Variants in ADAM22 observed in about 807,000 individuals in gnomAD.
The protein encoded by ADAM22 is disintegrin and metalloproteinase domain-containing protein 22.
Under a neutral mutation model 144.6 loss-of-function variants are expected in ADAM22, and 65 were observed. That is an observed-to-expected ratio of 0.45 (90% CI 0.37 to 0.55). The LOEUF (loss-of-function observed/expected upper bound fraction) is 0.55. Ranked by LOEUF, ADAM22 falls within the 20% of genes least tolerant of loss-of-function variation. The probability of loss-of-function intolerance (pLI) is 0.00; values close to 1 mark genes in which losing one functional copy is unlikely to be tolerated. For synonymous variants in ADAM22, 391 were observed against 412.6 expected (o/e 0.95, Z 0.63); for missense variants, 974 against 1,184.9 (o/e 0.82, Z 2.61).
intron 2 of ADAM22, among the ~76,000 whole-genome samples, chr7:87,953,020 G>T: frequency 6.6e-6 from 1 of 151,838 alleles, no homozygotes; most frequent in East Asian, 1.9e-4. Context: ...GCATCTATTT[G>T]ATTCATCTCT....
chr7:88,202,714 T>C lies in ADAM22; in HGVS notation c.*6223T>C, dbSNP rs1396733429. On this transcript the variant is annotated 3_prime_UTR_variant, in exon 32 of 32. Coordinates refer to ENST00000413139, the MANE Select transcript of ADAM22 (RefSeq NM_001324418.2). Reference sequence around the variant, plus strand: ...TTCAAGTTATAAAATTGTTCTTACATTGTAGGTAAACAAAATCTTGATGTT... The same window carrying C: ...TTCAAGTTATAAAATTGTTCTTACACTGTAGGTAAACAAAATCTTGATGTT... 1 of 152,172 alleles carries C rather than the reference T, an allele frequency of 6.6e-6. No homozygotes were observed. Among genetic ancestry groups the C allele is most frequent in the East Asian group, 1.9e-4 (1 of 5,194 alleles). The allele number at this position is 152,172 out of a possible 1,614,324, so 9.4% of individuals were successfully genotyped here. A position where few individuals can be genotyped will look rare whatever the true frequency, so the allele number is the denominator to read the frequency against.
At chr7:88,192,419 T>G (rs1655104462) in intron 30 of ADAM22, among the ~76,000 whole-genome samples, 2 of 152,214 alleles carry the variant, frequency 1.3e-5, no homozygotes, top group African/African-American at 2.4e-5. Flanking sequence ...CCACTACACA[T>G]GCAAAATCAA....
chr7:87,976,231 G>T (rs1851863347), intron 2 of ADAM22, among the ~76,000 whole-genome samples: 1 of 152,170 alleles, frequency 6.6e-6, no homozygotes, highest in Non-Finnish European at 1.5e-5. Context: ...GCTATGCACT[G>T]AATTATGCCC....
chr7:88,097,746 G>A (rs1407982386), intron 4 of ADAM22, among the ~76,000 whole-genome samples: 1 of 151,924 alleles, frequency 6.6e-6, no homozygotes, highest in Non-Finnish European at 1.5e-5. Context: ...AGTCAGTTAT[G>A]TTTTTTCCTG....
At chr7:87,946,290 A>G (rs1843667502) in intron 2 of ADAM22, among the ~76,000 whole-genome samples, 1 of 152,170 alleles carries the variant, frequency 6.6e-6, no homozygotes, top group Non-Finnish European at 1.5e-5. Context: ...CATTGGATGC[A>G]TAGTTTGCTA....
At chr7:88,015,991 T>C (rs995319303) in intron 3 of ADAM22, among the ~76,000 whole-genome samples, 3 of 152,148 alleles carry the variant, frequency 2.0e-5, no homozygotes, top group Non-Finnish European at 2.9e-5. Context: ...ATGACTGAAC[T>C]ACAAAATATT....
At chr7:87,981,835 A>G (rs912490176) in intron 3 of ADAM22, among the ~76,000 whole-genome samples, 1 of 150,682 alleles carries the variant, frequency 6.6e-6, no homozygotes, top group African/African-American at 2.5e-5. Flanking sequence ...ATAAATGATG[A>G]GGATAACATT....
chr7:87,961,098 T>C (rs1847909533), intron 2 of ADAM22, among the ~76,000 whole-genome samples: 2 of 151,586 alleles, frequency 1.3e-5, no homozygotes, highest in African/African-American at 4.9e-5. Context: ...TGCAGGGGAG[T>C]GTAGGGGGCA....
rs144231086 is a variant in ADAM22 at position 88,098,453 on chromosome 7, A to G, written c.391-9723A>G. 2.3e-3 allele frequency among the ~76,000 whole-genome samples: 346 copies of G among 152,278 alleles called. 2 individuals carry two copies. The highest frequency in any genetic ancestry group is 3.7e-3 in the Non-Finnish European group (251 of 68,010). ...GTGTTCCCCAAAATTCACGACTCCT[A>G]GAACCCATGAGTATGACCTTATTTA... On this transcript the variant is annotated intron_variant, in intron 4 of 31. Coordinates refer to ENST00000413139, the MANE Select transcript of ADAM22 (RefSeq NM_001324418.2).
At chr7:88,046,191 TGA>T (rs1804646900) in intron 3 of ADAM22, among the ~76,000 whole-genome samples, 1 of 152,210 alleles carries the variant, frequency 6.6e-6, no homozygotes, top group Non-Finnish European at 1.5e-5. Flanking sequence ...CAACAGTGTG[TGA>T]GAGTTCCTTT....
At chr7:88,015,027 T>C (rs756104323) in intron 3 of ADAM22, among the ~76,000 whole-genome samples, 1 of 152,220 alleles carries the variant, frequency 6.6e-6, no homozygotes, top group Non-Finnish European at 1.5e-5. Flanking sequence ...TGATCATTGA[T>C]ACAGGGTAGA....
intron 14 of ADAM22, among the ~76,000 whole-genome samples, chr7:88,137,176 C>T (rs1239978596): frequency 6.6e-6 from 1 of 152,118 alleles, no homozygotes; most frequent in East Asian, 1.9e-4. Context: ...ATACATCATG[C>T]TGTATGTATT....
chr7:87,973,219 T>G (rs1850937208), intron 2 of ADAM22, among the ~76,000 whole-genome samples: 1 of 152,130 alleles, frequency 6.6e-6, no homozygotes, highest in Non-Finnish European at 1.5e-5. Context: ...ATCCAGAATC[T>G]ACAACGAACT....
chr7:88,015,798 G>C (rs993298329), intron 3 of ADAM22, among the ~76,000 whole-genome samples: 5 of 152,090 alleles, frequency 3.3e-5, no homozygotes, highest in African/African-American at 9.7e-5. Context: ...TTCATTTTGC[G>C]TAGTGAAATT....
chr7:87,953,391 C>T (rs914299190), intron 2 of ADAM22, among the ~76,000 whole-genome samples: 15 of 152,164 alleles, frequency 9.9e-5, no homozygotes, highest in African/African-American at 2.6e-4. Context: ...GCCTTCATTT[C>T]GTTATGTATC....
chr7:88,095,335 A>G (rs939478311), intron 4 of ADAM22, among the ~76,000 whole-genome samples: 3 of 152,198 alleles, frequency 2.0e-5, no homozygotes, highest in Non-Finnish European at 4.4e-5. Flanking sequence ...ATAGAAGACA[A>G]TAAGTATCTG....
intron 15 of ADAM22, among the ~76,000 whole-genome samples, chr7:88,143,706 A>C (rs1014041943): frequency 1.3e-5 from 2 of 152,252 alleles, no homozygotes; most frequent in Non-Finnish European, 2.9e-5. Flanking sequence ...AAGACTTTGC[A>C]TGTTAAAAAA....
chr7:87,938,424 G>C (rs1841787543), intron 2 of ADAM22, among the ~76,000 whole-genome samples: 1 of 150,812 alleles, frequency 6.6e-6, no homozygotes, highest in Non-Finnish European at 1.5e-5. Flanking sequence ...TCACCATTTT[G>C]GCCAGGCTGG....
chr7:88,178,030 A>G (rs1295728475), intron 26 of ADAM22, among the ~76,000 whole-genome samples: 4 of 152,202 alleles, frequency 2.6e-5, no homozygotes, highest in Non-Finnish European at 5.9e-5. Context: ...TGACCAGATT[A>G]GCTATTGCAG....
Sources: gnomAD v4.1 joint callset for allele counts (sites outside exome capture counted in the v4.1 genomes callset) on GRCh38, gnomAD v4.1.1 for gene constraint, MANE v1.5 for transcripts, NCBI Gene and HGNC (gene_info 2026-07-23, HGNC 2026-07-21) for gene names.